NGFR: variants seen among roughly 807,000 people sequenced by gnomAD.
The protein encoded by NGFR is tumor necrosis factor receptor superfamily member 16.
NGFR carries 30 observed loss-of-function variants against 43.2 expected under a neutral mutation model. The ratio of observed to expected loss-of-function variants is 0.69; its 90% confidence interval spans 0.52 to 0.94. The LOEUF is 0.94. Ranked by LOEUF, NGFR falls within the 40% of genes least tolerant of loss-of-function variation. The pLI is 0.00. For missense variants in NGFR, 529 were observed against 602.5 expected (o/e 0.88, Z 1.28); for synonymous variants, 246 against 259.6 (o/e 0.95, Z 0.50).
chr17:49,512,788 G>A lies in NGFR; in HGVS notation c.1063G>A (p.Ala355Thr). Residue 355 changes from alanine (A) to threonine (T), a missense_variant, in exon 6 of 6, where the codon GCG (alanine) becomes ACG (threonine). Ala to Thr is a moderately conservative substitution (Grantham distance 58). Transcript: ENST00000172229. The surrounding 1 kb of genome is among the most constrained non-coding windows in gnomAD (Gnocchi z 5.2). ...GGTGGAGAAGCTTCTCAACGGCTCT[G>A]CGGGGGACACCTGGCGGCACCTGGC... is the stretch of plus-strand genomic sequence containing the variant. ...EEVEKLLNGS[A>T]GDTWRHLAGE... The A allele has an allele frequency of 6.2e-7, 1 of 1,613,406 alleles. No homozygotes were observed. Among genetic ancestry groups the A allele is most frequent in the Non-Finnish European group, 8.5e-7 (1 of 1,179,960 alleles).
intron 2 of NGFR, among the ~76,000 whole-genome samples, chr17:49,503,793 G>T (rs1418999767): frequency 6.6e-6 from 1 of 152,150 alleles, no homozygotes; most frequent in African/African-American, 2.4e-5. Flanking sequence ...CCAACCATCA[G>T]CTATCCCAGA....
At chr17:49,503,727 A>G (rs8070614) in intron 2 of NGFR, among the ~76,000 whole-genome samples, 28,587 of 152,090 alleles carry the variant, frequency 0.19, 3,093 homozygotes, top group African/African-American at 0.3. Flanking sequence ...GTCTTGCTTC[A>G]TGGCCACCTG....
At position 49,513,154 on chromosome 17, in the gene NGFR, C is replaced by T; in HGVS notation, c.*145C>T. The T allele has an allele frequency of 4.8e-6, 4 of 839,714 alleles. No individual in the cohort carries two copies. Among genetic ancestry groups the T allele is most frequent in the Non-Finnish European group, 7.1e-6 (4 of 559,950 alleles). 52.0% of individuals were successfully genotyped at this position (839,714 alleles called of 1,614,324 possible). A position where few individuals can be genotyped will look rare whatever the true frequency, so the allele number is the denominator to read the frequency against. On this transcript the variant is annotated 3_prime_UTR_variant, in exon 6 of 6. Coordinates refer to ENST00000172229, the MANE Select transcript of NGFR (RefSeq NM_002507.4). ...TGGGCAGGACCTCAGAGTCCAGGCC[C>T]CAAAACCACAGCCCTGTCAGTGCAG...
Position 49,508,258 on chromosome 17 carries a change from C to T in NGFR, c.568+1600C>T, listed in dbSNP as rs531507558. Among the ~76,000 whole-genome samples the T allele has an allele frequency of 3.5e-4, 53 of 152,152 alleles. No homozygotes were observed. The South Asian group carries it at 9.6e-3, about 27-fold the overall frequency. On this transcript the variant is annotated intron_variant, in intron 3 of 5. Coordinates refer to ENST00000172229, the MANE Select transcript of NGFR (RefSeq NM_002507.4). ...CAAGTCCAGACCAGCCAGCTGGGGG[C>T]GGGGCGGGGGGACTTGGGGGCGCTG...
chr17:49,499,456 A>G (rs2143422688), intron 1 of NGFR, among the ~76,000 whole-genome samples: 1 of 152,332 alleles, frequency 6.6e-6, no homozygotes, highest in Middle Eastern at 3.4e-3. Flanking sequence ...TTACCTAATT[A>G]TGACCCAGGA....
Position 49,511,898 on chromosome 17 carries a change from C to G in NGFR, c.828C>G (p.Asn276Lys). The change falls in exon 5 of 6, where the codon AAC becomes AAG. Residue 276 changes from asparagine to lysine, a missense_variant. By Grantham distance (94) the Asn-to-Lys change is moderately conservative. Transcript: ENST00000172229. The part of the protein sequence containing the change: ...LVAYIAFKRW[N>K]SCKQNKQGAN... ...GCCTGTCCTCTGGCTCCAGGTGGAA[C>G]AGCTGCAAGCAGAACAAGCAAGGAG... 6.2e-7 allele frequency: 1 copy of G among 1,606,212 alleles called. No individual in the cohort carries two copies. Among genetic ancestry groups the G allele is most frequent in the Non-Finnish European group, 8.5e-7 (1 of 1,176,250 alleles).
In NGFR at chr17:49,513,186, T is replaced by C; in HGVS notation, c.*177T>C. 1.5e-6 allele frequency: 1 copy of C among 650,760 alleles called. No homozygotes were observed. The highest frequency in any genetic ancestry group is 2.1e-5 in the South Asian group (1 of 47,090). 40.3% of individuals were successfully genotyped at this position (650,760 alleles called of 1,614,324 possible). ...CACAGCCCTGTCAGTGCAGCCCGTG[T>C]GGCCCCTTCACTTCTGACCACACTT... On this transcript the variant is annotated 3_prime_UTR_variant, in exon 6 of 6. Transcript: ENST00000172229.
At chr17:49,501,999 A>AGGGGCCCCCCCCCCCCCCCCCCCCC in intron 1 of NGFR, 64 bp from the exon 2 acceptor site, 2 of 330,982 alleles carry the variant, frequency 6.0e-6, no homozygotes, top group Non-Finnish European at 1.2e-5. Flanking sequence ...TCCCCGGAAG[A>AGGGGCCCCCCCCCCCCCCCCCCCCC]ACCCCCCCCA....
At chr17:49,502,018 C>CCCCCCCTTT in intron 1 of NGFR, 45 bp from the exon 2 acceptor site, 1 of 1,320,364 alleles carries the variant, frequency 7.6e-7, no homozygotes, top group Non-Finnish European at 1.0e-6. Context: ...CAACCCACCC[C>CCCCCCCTTT]AGCTTTCTCT....
intron 1 of NGFR, 64 bp from the exon 2 acceptor site, chr17:49,501,999 A>AGGGGCGCCCCCCCCCC: frequency 3.0e-6 from 1 of 330,984 alleles, no homozygotes. Flanking sequence ...TCCCCGGAAG[A>AGGGGCGCCCCCCCCCC]ACCCCCCCCA....
chr17:49,502,018 C>CCCCCCCCCAAAA, intron 1 of NGFR, 45 bp from the exon 2 acceptor site: 6 of 1,320,364 alleles, frequency 4.5e-6, no homozygotes, highest in East Asian at 5.4e-5. Flanking sequence ...CAACCCACCC[C>CCCCCCCCCAAAA]AGCTTTCTCT....
In NGFR at chr17:49,506,594, C is replaced by G; in HGVS notation, c.504C>G (p.Thr168=). The stretch of plus-strand genomic sequence containing the variant: ...ACGTGGACCCGTGCCTGCCCTGCAC[C>G]GTGTGCGAGGACACCGAGCGCCAGC... ...ANHVDPCLPC[T]VCEDTERQLR... is the part of the protein sequence containing the mutation. The change falls in exon 3 of 6, where the codon ACC becomes ACG. Residue 168 remains threonine, a synonymous_variant. Coordinates refer to ENST00000172229, the MANE Select transcript of NGFR (RefSeq NM_002507.4). 1 of 1,608,530 alleles carries G rather than the reference C, an allele frequency of 6.2e-7. No individual in the cohort carries two copies. The highest frequency in any genetic ancestry group is 8.5e-7 in the Non-Finnish European group (1 of 1,178,422).
chr17:49,506,250 C>T, intron 2 of NGFR, 49 bp from the exon 3 acceptor site: 1 of 1,509,418 alleles, frequency 6.6e-7, no homozygotes, highest in Non-Finnish European at 8.8e-7. Context: ...TCCTGCGTCC[C>T]GGGTGCCCAA....
At chr17:49,501,495 T>C (rs768629245) in intron 1 of NGFR, among the ~76,000 whole-genome samples, 1 of 152,234 alleles carries the variant, frequency 6.6e-6, no homozygotes, top group African/African-American at 2.4e-5. Flanking sequence ...GGCCCTCTCC[T>C]TTCTGCTCTT....
intron 4 of NGFR, chr17:49,511,150 TC>T (rs2143446627): frequency 1.3e-5 from 2 of 153,690 alleles, no homozygotes; most frequent in African/African-American, 4.9e-5. Context: ...AAGTAACACA[TC>T]CGTGTTTAGG....
Position 49,506,678 on chromosome 17 carries a change from C to CGGGGGG in NGFR, c.568+21_568+26dup. 1.2e-5 allele frequency: 1 copy of CGGGGGG among 84,924 alleles called. No individual in the cohort carries two copies. Among genetic ancestry groups the CGGGGGG allele is most frequent in the African/African-American group, 3.9e-4 (1 of 2,584 alleles). 5.3% of individuals were successfully genotyped at this position (84,924 alleles called of 1,614,324 possible). A position where few individuals can be genotyped will look rare whatever the true frequency, so the allele number is the denominator to read the frequency against. On this transcript the variant is annotated intron_variant, in intron 3 of 5. Coordinates refer to ENST00000172229, the MANE Select transcript of NGFR (RefSeq NM_002507.4). ...GCGAGGGTGAGTGCGGTTCGGGGGGCGGGGGGAGTGGGGGTGCGGGGGTGG... is the reference window on the plus strand; with the variant it reads ...GCGAGGGTGAGTGCGGTTCGGGGGGCGGGGGGGGGGGGAGTGGGGGTGCGGGGGTGG...
Position 49,509,773 on chromosome 17 carries a change from G to A in NGFR, c.569-639G>A, listed in dbSNP as rs558872563. Among the ~76,000 whole-genome samples, 42 of 152,304 alleles carry A rather than the reference G, an allele frequency of 2.8e-4. 1 individual carries two copies. In the South Asian group the frequency reaches 8.7e-3, roughly 32 times the overall value. The stretch of plus-strand genomic sequence containing the variant: ...GGCCACTGTCCAAGGGCTGGCTGGA[G>A]GGAGGCAATCCAGCTGCCCCCGCAC... On this transcript the variant is annotated intron_variant, in intron 3 of 5. Coordinates refer to ENST00000172229, the MANE Select transcript of NGFR (RefSeq NM_002507.4).
chr17:49,497,076 C>T (rs2071142665), intron 1 of NGFR: 1 of 152,254 alleles, frequency 6.6e-6, no homozygotes, highest in Admixed American at 6.5e-5. Context: ...TGGCTAGACT[C>T]CCCGACCTGA....
intron 4 of NGFR, among the ~76,000 whole-genome samples, chr17:49,511,265 C>T (rs1409607951): frequency 1.3e-5 from 2 of 152,158 alleles, no homozygotes; most frequent in Non-Finnish European, 2.9e-5. Context: ...TGAAATGGAT[C>T]CTTCCCAACT....
Sources: allele counts gnomAD v4.1 joint callset (sites outside exome capture counted in the v4.1 genomes callset), GRCh38; gene constraint gnomAD v4.1.1; non-coding constraint Gnocchi (gnomAD v3.1); transcripts MANE v1.5; gene names NCBI Gene and HGNC (gene_info 2026-07-23, HGNC 2026-07-21).